The following APOB variants were observed in gnomAD, a reference collection of about 807,000 sequenced individuals.
APOB encodes apolipoprotein B-100.
In APOB, 153 loss-of-function variants were observed where a neutral mutation model predicts 314.1. That is an observed-to-expected ratio of 0.49 (90% CI 0.43 to 0.56). APOB has a LOEUF of 0.56. Among genes scored for constraint, APOB ranks in the 20% least tolerant of loss-of-function variants. The pLI, the probability that APOB is intolerant of heterozygous loss-of-function variation, is 0.00. For synonymous variants in APOB, 2,087 were observed against 2,036.4 expected (o/e 1.02, Z -0.67); for missense variants, 5,430 against 5,350.7 (o/e 1.01, Z -0.46).
At position 21,010,286 on chromosome 2, in the gene APOB, CAAATCATGT is replaced by C; in HGVS notation, c.6573_6581del (p.His2192_Leu2194del). On this transcript the variant is annotated inframe_deletion, in exon 26 of 29. Transcript: ENST00000233242. ...CAATAATATTAGCAATAGCTATTTT[CAAATCATGT>C]AAATCATAACTATCTTTAATATACT... 6.5e-7 allele frequency: 1 copy of C among 1,549,486 alleles called. No individual in the cohort carries two copies. Among genetic ancestry groups the C allele is most frequent in the Non-Finnish European group, 8.7e-7 (1 of 1,149,650 alleles).
At chr2:21,024,045 G>T (rs1663677189) in intron 16 of APOB, 1 of 175,634 alleles carries the variant, frequency 5.7e-6, no homozygotes, top group Non-Finnish European at 1.2e-5. Context: ...AGGTGTACTT[G>T]AAATGTATTA....
rs1251220321 is a variant in APOB at position 21,019,037 on chromosome 2, C to G, written c.3076G>C (p.Asp1026His). 1.2e-6 allele frequency: 2 copies of G among 1,614,044 alleles called. No homozygotes were observed. Among genetic ancestry groups the G allele is most frequent in the South Asian group, 1.1e-5 (1 of 91,080 alleles). ...TTCAGGGTATCCACCAAGGCTCTGT[C>G]CTCTCTCTGGAGCTCATAGGTTGCG... ...VSATYELQRE[D>H]RALVDTLKFV... The change falls in exon 20 of 29, where the codon GAC becomes CAC. Residue 1026 changes from aspartate to histidine, a missense_variant. Transcript: ENST00000233242.
intron 20 of APOB, among the ~76,000 whole-genome samples, chr2:21,016,993 ATAAAT>A (rs1663491847): frequency 7.9e-6 from 1 of 126,596 alleles, no homozygotes; most frequent in African/African-American, 3.1e-5. Flanking sequence ...CAAAAAATAA[ATAAAT>A]AAATAAATAA....
At position 21,007,750 on chromosome 2, in the gene APOB, A is replaced by C; in HGVS notation, c.9118T>G (p.Ser3040Ala). 1 of 1,614,080 alleles carries C rather than the reference A, an allele frequency of 6.2e-7. No homozygotes were observed. The highest frequency in any genetic ancestry group is 8.5e-7 in the Non-Finnish European group (1 of 1,179,958). Residue 3040 changes from serine to alanine, a missense_variant, in exon 26 of 29, where the codon TCA becomes GCA. By Grantham distance (99) the Ser-to-Ala change is moderately conservative (BLOSUM62 1). This residue lies in a region of APOB where 3,281 missense variants were observed against 3,171.0 expected (regional missense o/e 1.03). Transcript: ENST00000233242. ...GCCGTGATCTCAAATGGCTGGGCTG[A>C]AAAGAAAAGAGAATTTTTCAAAGTT... ...IGTLKNSLFF[S>A]AQPFEITAST...
chr2:21,014,247 TC>T (rs2103361691), intron 24 of APOB, among the ~76,000 whole-genome samples, 200 bp downstream of exon 24: 1 of 152,336 alleles, frequency 6.6e-6, no homozygotes, highest in East Asian at 1.9e-4. Context: ...CTAATGACTT[TC>T]TTAGATTCTT....
chr2:21,010,329 T>G lies in APOB; in HGVS notation c.6539A>C (p.Gln2180Pro), dbSNP rs756403270. ...KLSQLQTYMIQFDQYIKDSYD... is the reference protein window; with the variant it reads ...KLSQLQTYMIPFDQYIKDSYD... ...ACTATCTTTAATATACTGATCAAAT[T>G]GTATCATATATGTCTGCAGTTGAGA... Residue 2180 changes from glutamine to proline, a missense_variant, in exon 26 of 29, where the codon CAA (glutamine) becomes CCA (proline). Coordinates refer to ENST00000233242, the MANE Select transcript of APOB (RefSeq NM_000384.3). 1.9e-6 allele frequency: 3 copies of G among 1,557,288 alleles called. No individual in the cohort carries two copies. Among genetic ancestry groups the G allele is most frequent in the Non-Finnish European group, 2.6e-6 (3 of 1,152,468 alleles).
At chr2:21,017,230 T>A (rs1663501405) in intron 20 of APOB, among the ~76,000 whole-genome samples, 1 of 152,106 alleles carries the variant, frequency 6.6e-6, no homozygotes, top group Admixed American at 6.5e-5. Flanking sequence ...CTTTATGGAT[T>A]GCCTGTTATG....
At position 21,011,414 on chromosome 2, in the gene APOB, G is replaced by A. The variant is rs778725863; in HGVS notation, c.5454C>T (p.Pro1818=). The change falls in exon 26 of 29, where the codon CCC becomes CCT. Residue 1818 remains proline, a synonymous_variant. Transcript: ENST00000233242. ...LTNNGKLRLE[P]LKLHVAGNLK... ...GGTTACCAGCCACATGCAGCTTCAG[G>A]GGTTCTAGCCGTAGTTTCCCATTGT... is the stretch of plus-strand genomic sequence containing the variant. The A allele has an allele frequency of 4.3e-6, 7 of 1,613,904 alleles. No individual in the cohort carries two copies. In the Admixed American group the frequency reaches 1.2e-4, roughly 27 times the overall value.
chr2:21,018,119 A>T (rs928819287), intron 20 of APOB, among the ~76,000 whole-genome samples: 8 of 152,072 alleles, frequency 5.3e-5, no homozygotes, highest in African/African-American at 1.9e-4. Flanking sequence ...TACACTCAAC[A>T]TCCACTGTAT....
rs2103355576 is a variant in APOB at position 21,009,385 on chromosome 2, A to T, written c.7483T>A (p.Trp2495Arg). Reference protein sequence around the residue: ...QDTKITLIINWLQEALSSASL... With the variant: ...QDTKITLIINRLQEALSSASL... ...GCTGAACTTAAAGCCTCCTGTAACC[A>T]ATTGATGATTAAGGTTATTTTGGTG... Residue 2495 changes from tryptophan to arginine, a missense_variant, in exon 26 of 29, where the codon TGG (tryptophan) becomes AGG (arginine). Coordinates refer to ENST00000233242, the MANE Select transcript of APOB (RefSeq NM_000384.3). 6.2e-7 allele frequency: 1 copy of T among 1,614,054 alleles called. No homozygotes were observed. Among genetic ancestry groups the T allele is most frequent in the East Asian group, 2.2e-5 (1 of 44,874 alleles).
In APOB at chr2:21,002,488, C is replaced by T. The variant is rs771120959; in HGVS notation, c.12934G>A (p.Asp4312Asn). 14 of 1,611,600 alleles carry T rather than the reference C, an allele frequency of 8.7e-6. No individual in the cohort carries two copies. In the South Asian group the frequency reaches 1.5e-4, roughly 18 times the overall value. ...LLQFIFQLIE[D>N]NIKQLKEMKF... ...ATCTCTTTCAGCTGTTTAATGTTAT[C>T]TTCTATTAGTTGGAAAATGAATTGT... Residue 4312 changes from aspartate (D) to asparagine (N), a missense_variant, in exon 29 of 29, where the codon GAT becomes AAT. Around this residue, in one of 3 missense-constraint regions of APOB, gnomAD observed 3,281 missense variants for 3,171.0 expected, o/e 1.03. Transcript: ENST00000233242.
At chr2:21,018,309 T>C (rs531017090) in intron 20 of APOB, among the ~76,000 whole-genome samples, 1 of 152,258 alleles carries the variant, frequency 6.6e-6, no homozygotes, top group Admixed American at 6.5e-5. Flanking sequence ...TAAACATAAA[T>C]CAAATCATGA....
chr2:21,017,556 A>C (rs558812377), intron 20 of APOB, among the ~76,000 whole-genome samples: 3 of 152,230 alleles, frequency 2.0e-5, no homozygotes, highest in Admixed American at 1.3e-4. Context: ...AGGAATGCAA[A>C]GGCCCTGAAA....
At chr2:21,023,389 A>C in intron 17 of APOB, 136 bp downstream of exon 17, 1 of 1,080,344 alleles carries the variant, frequency 9.3e-7, no homozygotes, top group Non-Finnish European at 1.4e-6. Context: ...GTTTTTCATA[A>C]AAAAATAATG....
In APOB at chr2:21,011,093, C is replaced by T; in HGVS notation, c.5775G>A (p.Gly1925=). 6.2e-7 allele frequency: 1 copy of T among 1,614,150 alleles called. No individual in the cohort carries two copies. The highest frequency in any genetic ancestry group is 2.2e-5 in the East Asian group (1 of 44,888). Residue 1925 remains glycine, a synonymous_variant, in exon 26 of 29, where the codon GGG becomes GGA. Transcript: ENST00000233242. ...TCAACAGGAATTTGCTATACAGCTG[C>T]CCAGTATGTTCTCCCCAGAGAGCGA... ...GKLALWGEHT[G]QLYSKFLLKA... is the part of the protein sequence containing the mutation.
chr2:21,004,143 A>C (rs1173718157), intron 28 of APOB, 126 bp downstream of exon 28: 1 of 921,168 alleles, frequency 1.1e-6, no homozygotes, highest in Non-Finnish European at 1.7e-6. Flanking sequence ...CTCAGAGAAG[A>C]AGTTGCTTAC....
chr2:21,029,628 G>T lies in APOB; in HGVS notation c.1617+11C>A. 6.2e-7 allele frequency: 1 copy of T among 1,614,068 alleles called. No homozygotes were observed. Among genetic ancestry groups the T allele is most frequent in the Non-Finnish European group, 8.5e-7 (1 of 1,179,964 alleles). ...AACTTTCACTTTCAGACCTCTTCTT[G>T]TGGACTTTACCTTGTCTTTAGGCTC... On this transcript the variant is annotated intron_variant, in intron 12 of 28. Transcript: ENST00000233242.
chr2:21,008,291 A>G lies in APOB; in HGVS notation c.8577T>C (p.Ser2859=). The change falls in exon 26 of 29, where the codon AGT becomes AGC. Residue 2859 remains serine, a synonymous_variant. Transcript: ENST00000233242. The part of the protein sequence containing the change: ...AIEGKSNTVA[S]LHTEKNTLEL... ...CCAGTGTATTTTTTTCTGTGTGTAA[A>G]CTTGCCACTGTGTTTGATTTTCCCT... 4.3e-6 allele frequency: 7 copies of G among 1,613,554 alleles called. No individual in the cohort carries two copies. The highest frequency in any genetic ancestry group is 5.9e-6 in the Non-Finnish European group (7 of 1,179,632).
chr2:21,005,166 C>G lies in APOB; in HGVS notation c.11702G>C (p.Ser3901Thr), dbSNP rs1296396685. 3 of 1,614,012 alleles carry G rather than the reference C, an allele frequency of 1.9e-6. No homozygotes were observed. Among genetic ancestry groups the G allele is most frequent in the Non-Finnish European group, 2.5e-6 (3 of 1,179,938 alleles). Reference sequence around the variant, plus strand: ...AACATAATCTGCTTTGTTTTTCAAACTGGCACTCCAAGTGGCATTATACAC... The same window carrying G: ...AACATAATCTGCTTTGTTTTTCAAAGTGGCACTCCAAGTGGCATTATACAC... ...SPVYNATWSA[S>T]LKNKADYVET... Residue 3901 changes from serine (S) to threonine (T), a missense_variant, in exon 26 of 29, where the codon AGT (serine) becomes ACT (threonine). Ser to Thr is a moderately conservative substitution (Grantham distance 58). This residue lies in a region of APOB where 3,281 missense variants were observed against 3,171.0 expected (regional missense o/e 1.03). Coordinates refer to ENST00000233242, the MANE Select transcript of APOB (RefSeq NM_000384.3).
Sources: gnomAD v4.1 joint callset for allele counts (sites outside exome capture counted in the v4.1 genomes callset) on GRCh38, gnomAD v4.1.1 for gene constraint, gnomAD v4.1.1 regional missense constraint, MANE v1.5 for transcripts, NCBI Gene and HGNC (gene_info 2026-07-23, HGNC 2026-07-21) for gene names.